CCDC81: variants seen among roughly 807,000 people sequenced by gnomAD.
CCDC81 encodes the protein coiled-coil domain containing 81, also known as coiled-coil domain-containing protein 81.
Under a neutral mutation model 83.7 loss-of-function variants are expected in CCDC81, and 79 were observed. The ratio of observed to expected loss-of-function variants is 0.94; its 90% CI spans 0.79 to 1.14. CCDC81 has a LOEUF of 1.14. CCDC81 is among the 50% of genes most tolerant of loss of function. The pLI, the probability that CCDC81 is intolerant of heterozygous loss-of-function variation, is 0.00. For missense variants in CCDC81, 791 were observed against 778.1 expected, an observed-to-expected ratio of 1.02 and a Z score of -0.20; for synonymous variants, 252 against 278.1, an observed-to-expected ratio of 0.91 and a Z score of 0.93.
chr11:86,411,330 A>G (rs1213185816), intron 10 of CCDC81, among the ~76,000 whole-genome samples: 1 of 152,148 alleles, frequency 6.6e-6, no homozygotes, highest in East Asian at 1.9e-4. Flanking sequence ...CCTGATATTT[A>G]CAGTGAAGGT....
intron 10 of CCDC81, among the ~76,000 whole-genome samples, chr11:86,412,055 T>C (rs796323942): frequency 6.6e-5 from 10 of 152,366 alleles, no homozygotes; most frequent in African/African-American, 2.4e-4. Flanking sequence ...GTCAAGGAGA[T>C]GGATTTGAGA....
chr11:86,404,498 G>C (rs1948538889), intron 7 of CCDC81, among the ~76,000 whole-genome samples: 1 of 152,090 alleles, frequency 6.6e-6, no homozygotes, highest in African/African-American at 2.4e-5. Flanking sequence ...TTCATCTCAG[G>C]CTCCTGACTT....
chr11:86,406,026 G>A (rs1158694707), intron 7 of CCDC81, among the ~76,000 whole-genome samples: 2 of 152,184 alleles, frequency 1.3e-5, no homozygotes, highest in African/African-American at 4.8e-5. Context: ...GCCTCCCAAA[G>A]TGCTGGTATT....
chr11:86,414,918 C>T lies in CCDC81; in HGVS notation c.1470+51C>T, dbSNP rs769745772. On this transcript the variant is annotated intron_variant, in intron 12 of 14. Transcript: ENST00000445632. ...TTAAAATTATGCAATGCATCAATAACATCCTAAAATATGTGTAAGTTGTTA... is the reference window on the plus strand; with the variant it reads ...TTAAAATTATGCAATGCATCAATAATATCCTAAAATATGTGTAAGTTGTTA... 1.6e-5 allele frequency: 24 copies of T among 1,481,032 alleles called. No homozygotes were observed. In the African/African-American group the frequency reaches 2.1e-4, roughly 13 times the overall value. The allele number at this position is 1,481,032 out of a possible 1,614,324, so 91.7% of individuals were successfully genotyped here. A position where few individuals can be genotyped will look rare whatever the true frequency, so the allele number is the denominator to read the frequency against.
chr11:86,387,703 A>G (rs993575929), intron 3 of CCDC81, 31 bp downstream of exon 3: 7 of 1,496,238 alleles, frequency 4.7e-6, no homozygotes, highest in Non-Finnish European at 6.5e-6. Flanking sequence ...GGATTTTCCC[A>G]GAAGGTTACT....
chr11:86,406,083 T>G (rs1030236059), intron 7 of CCDC81, among the ~76,000 whole-genome samples: 1 of 152,164 alleles, frequency 6.6e-6, no homozygotes, highest in African/African-American at 2.4e-5. Flanking sequence ...ATCCCTGTCC[T>G]TCCTCCTAGG....
At position 86,422,810 on chromosome 11, in the gene CCDC81, A is replaced by G. The variant is rs1482320316; in HGVS notation, c.*95A>G. The G allele has an allele frequency of 9.7e-5, 123 of 1,263,316 alleles. No homozygotes were observed. The highest frequency in any genetic ancestry group is 1.3e-4 in the Non-Finnish European group (115 of 908,298). 78.3% of individuals were successfully genotyped at this position (1,263,316 alleles called of 1,614,324 possible). ...AACTGCGTATTTTTACCTCAGAGAA[A>G]AAAATCATTGTTTAGGTTTGGTGCT... On this transcript the variant is annotated 3_prime_UTR_variant, in exon 15 of 15. Coordinates refer to ENST00000445632, the MANE Select transcript of CCDC81 (RefSeq NM_001156474.2).
chr11:86,375,681 A>C (rs764898737), intron 1 of CCDC81, among the ~76,000 whole-genome samples: 4 of 152,034 alleles, frequency 2.6e-5, no homozygotes, highest in Non-Finnish European at 4.4e-5. Flanking sequence ...AAATGAGATG[A>C]TCATAAAAAG....
At chr11:86,401,590 T>C (rs1347222494) in intron 7 of CCDC81, among the ~76,000 whole-genome samples, 1 of 152,168 alleles carries the variant, frequency 6.6e-6, no homozygotes, top group African/African-American at 2.4e-5. Flanking sequence ...GGAATTTAAT[T>C]CAATACAACA....
intron 10 of CCDC81, among the ~76,000 whole-genome samples, chr11:86,411,576 A>G (rs1329354315): frequency 2.0e-5 from 3 of 152,154 alleles, no homozygotes; most frequent in African/African-American, 7.2e-5. Context: ...CCAGGCCCAC[A>G]GTAGGTATTC....
chr11:86,405,702 G>A (rs763228384), intron 7 of CCDC81, among the ~76,000 whole-genome samples: 4 of 150,286 alleles, frequency 2.7e-5, no homozygotes, highest in Admixed American at 6.6e-5. Context: ...AAAACATTTT[G>A]TATTATTTTA....
At chr11:86,378,145 C>G (rs1429443459) in intron 1 of CCDC81, among the ~76,000 whole-genome samples, 1 of 151,742 alleles carries the variant, frequency 6.6e-6, no homozygotes, top group African/African-American at 2.4e-5. Context: ...TTTGTCTGTT[C>G]TTTTGTCAAT....
intron 6 of CCDC81, among the ~76,000 whole-genome samples, chr11:86,399,567 C>A (rs7936278): frequency 6.6e-6 from 1 of 151,884 alleles, no homozygotes; most frequent in African/African-American, 2.4e-5. Context: ...CTGCCCACCT[C>A]GGCCTCCCAA....
Position 86,420,007 on chromosome 11 carries a change from G to A in CCDC81, c.1771G>A (p.Ala591Thr). ...CTTACAGGAGGACTGGGAAAGGAGT[G>A]CTGCGATGAAGAAGCAGCGAGACCT... ...QCLQEDWERS[A>T]AMKKQRDLED... The change falls in exon 14 of 15, where the codon GCT (alanine) becomes ACT (threonine). Residue 591 changes from alanine to threonine, a missense_variant. By Grantham distance (58) the Ala-to-Thr change is moderately conservative. Coordinates refer to ENST00000445632, the MANE Select transcript of CCDC81 (RefSeq NM_001156474.2). 2.5e-6 allele frequency: 4 copies of A among 1,613,966 alleles called. No individual in the cohort carries two copies. Among genetic ancestry groups the A allele is most frequent in the Non-Finnish European group, 3.4e-6 (4 of 1,179,942 alleles).
chr11:86,417,072 C>T lies in CCDC81; in HGVS notation c.1691+1759C>T, dbSNP rs966715370. 2.7e-4 allele frequency among the ~76,000 whole-genome samples: 41 copies of T among 151,920 alleles called. 1 individual carries two copies. Among genetic ancestry groups the T allele is most frequent in the Admixed American group, 1.2e-3 (18 of 15,228 alleles). On this transcript the variant is annotated intron_variant, in intron 13 of 14. Transcript: ENST00000445632. ...CAGCCTGGGCAACATGGTGAAACCC[C>T]GTCATTACTAAAAATACAAAAATTA...
At chr11:86,397,780 T>TA in intron 6 of CCDC81, 38 bp downstream of exon 6, 1 of 1,599,486 alleles carries the variant, frequency 6.3e-7, no homozygotes, top group Non-Finnish European at 8.5e-7. Context: ...TGTCACTCTT[T>TA]ACTGCTATGA....
intron 3 of CCDC81, 84 bp from the exon 4 acceptor site, chr11:86,392,457 A>G: frequency 7.0e-7 from 1 of 1,425,268 alleles, no homozygotes; most frequent in South Asian, 1.4e-5. Flanking sequence ...TGAGAATCAG[A>G]TAATTATTTG....
intron 2 of CCDC81, among the ~76,000 whole-genome samples, chr11:86,386,661 G>A (rs917388478): frequency 2.6e-5 from 4 of 152,146 alleles, no homozygotes; most frequent in Non-Finnish European, 4.4e-5. Flanking sequence ...CCCATTCAGA[G>A]GTCCTACTAT....
At position 86,386,078 on chromosome 11, in the gene CCDC81, C is replaced by A; in HGVS notation, c.107C>A (p.Ser36Ter). 6.6e-7 allele frequency: 1 copy of A among 1,521,716 alleles called. No individual in the cohort carries two copies. Among genetic ancestry groups the A allele is most frequent in the Non-Finnish European group, 8.9e-7 (1 of 1,122,422 alleles). The allele number at this position is 1,521,716 out of a possible 1,614,324, so 94.3% of individuals were successfully genotyped here. A position where few individuals can be genotyped will look rare whatever the true frequency, so the allele number is the denominator to read the frequency against. The change falls in exon 2 of 15, where the codon TCA (serine) becomes TAA (stop). Residue 36 changes from serine (S) to a stop codon, truncating the protein, a stop_gained. Transcript: ENST00000445632. LOFTEE classifies it high-confidence loss of function. ...GTCTCTATTATCTGGGGGAATGTAT[C>A]AGAATTTGTGAGACGGCAGTTAACC... ...EEVSIIWGNV[S>*]EFVRRQLTLH...
Sources: gnomAD v4.1 joint callset for allele counts (sites outside exome capture counted in the v4.1 genomes callset) on GRCh38, gnomAD v4.1.1 for gene constraint, MANE v1.5 for transcripts, NCBI Gene and HGNC (gene_info 2026-07-23, HGNC 2026-07-21) for gene names.